Variants in XRCC4 observed in about 807,000 individuals in gnomAD.
XRCC4 encodes X-ray repair cross complementing 4, also known as DNA repair protein XRCC4.
In XRCC4, 28 loss-of-function variants were observed where a neutral mutation model predicts 39.1. The ratio of observed to expected loss-of-function variants is 0.72; its 90% CI spans 0.53 to 0.98. The LOEUF (loss-of-function observed/expected upper bound fraction) is 0.98, where lower values mean the gene tolerates loss of function less well. Among genes scored for constraint, XRCC4 ranks in the 50% least tolerant of loss-of-function variants. XRCC4 has a pLI of 0.00. For missense variants in XRCC4, 350 were observed against 376.4 expected (o/e 0.93, Z 0.58); for synonymous variants, 123 against 126.4 (o/e 0.97, Z 0.18).
intron 7 of XRCC4, among the ~76,000 whole-genome samples, chr5:83,273,810 G>A (rs1754228282): frequency 6.6e-6 from 1 of 151,936 alleles, no homozygotes; most frequent in Non-Finnish European, 1.5e-5. Flanking sequence ...TGCTGTTTTG[G>A]TTACTGTAGC....
intron 3 of XRCC4, among the ~76,000 whole-genome samples, chr5:83,142,308 TC>T (rs1748218129): frequency 2.3e-5 from 1 of 42,724 alleles, no homozygotes; most frequent in African/African-American, 1.7e-4. Context: ...GGAAACTAAC[TC>T]TCAGTGGTGT....
intron 7 of XRCC4, among the ~76,000 whole-genome samples, chr5:83,301,901 G>A (rs576465407): frequency 8.5e-5 from 13 of 152,180 alleles, no homozygotes; most frequent in African/African-American, 3.1e-4. Context: ...GTGGTGTTAT[G>A]TCTGAGCCCT....
In XRCC4 at chr5:83,204,874, C is replaced by A. The variant is rs140579916; in HGVS notation, c.698C>A (p.Thr233Asn). 3.1e-6 allele frequency: 5 copies of A among 1,612,272 alleles called. No individual in the cohort carries two copies. Among genetic ancestry groups the A allele is most frequent in the African/African-American group, 1.3e-5 (1 of 74,830 alleles). The part of the protein sequence containing the change: ...ADRDPVYDES[T>N]DEESENQTDL... ...CGAGATCCAGTCTATGATGAGAGTA[C>A]TGATGAGGAAAGTGAAAACCAAACT... The change falls in exon 6 of 8, where the codon ACT becomes AAT. Residue 233 changes from threonine (T) to asparagine (N), a missense_variant. Transcript: ENST00000396027.
At chr5:83,356,576 G>A, downstream of XRCC4, 1 of 275,482 alleles carries the variant, frequency 3.6e-6, no homozygotes, top group Non-Finnish European at 7.2e-6. Context: ...TATAATCTTG[G>A]GTTCCTATTT....
chr5:83,083,755 T>C (rs1282741265), intron 1 of XRCC4, among the ~76,000 whole-genome samples: 2 of 152,200 alleles, frequency 1.3e-5, no homozygotes, highest in Non-Finnish European at 2.9e-5. Context: ...ATCACTTCCA[T>C]GTATCATGCT....
chr5:83,184,867 G>A (rs184759092), intron 3 of XRCC4, among the ~76,000 whole-genome samples: 3 of 151,998 alleles, frequency 2.0e-5, no homozygotes. Context: ...TTTACCCATA[G>A]ATGTTATTTT....
chr5:83,173,803 T>C (rs1749833496), intron 3 of XRCC4, among the ~76,000 whole-genome samples: 1 of 152,212 alleles, frequency 6.6e-6, no homozygotes, highest in Admixed American at 6.5e-5. Context: ...ACCACTTGAT[T>C]GTTAATTCTA....
At chr5:83,161,387 C>T (rs1651522967) in intron 3 of XRCC4, among the ~76,000 whole-genome samples, 1 of 152,160 alleles carries the variant, frequency 6.6e-6, no homozygotes, top group African/African-American at 2.4e-5. Flanking sequence ...AGGCCTCGGC[C>T]TCCCAAAGTG....
chr5:83,186,548 C>T (rs1015580733), intron 3 of XRCC4, among the ~76,000 whole-genome samples: 1 of 152,140 alleles, frequency 6.6e-6, no homozygotes, highest in African/African-American at 2.4e-5. Context: ...ATGATTCTCT[C>T]TCCCTGTCTC....
chr5:83,222,021 T>G (rs903588681), intron 6 of XRCC4, among the ~76,000 whole-genome samples: 1 of 151,872 alleles, frequency 6.6e-6, no homozygotes, highest in African/African-American at 2.4e-5. Flanking sequence ...GTTTACATGG[T>G]TTATCTTTTA....
intron 1 of XRCC4, among the ~76,000 whole-genome samples, chr5:83,081,365 A>G (rs1013424189): frequency 6.6e-6 from 1 of 152,078 alleles, no homozygotes; most frequent in Non-Finnish European, 1.5e-5. Flanking sequence ...CCCTAACCTC[A>G]GGTAGAGGTT....
At chr5:83,281,516 T>A (rs555463417) in intron 7 of XRCC4, among the ~76,000 whole-genome samples, 3,016 of 152,050 alleles carry the variant, frequency 0.02, 80 homozygotes, top group African/African-American at 0.067. Flanking sequence ...TTTTTTTTTT[T>A]AATTTTGTAC....
chr5:83,183,448 GTGTGT>G (rs1561387142), intron 3 of XRCC4, among the ~76,000 whole-genome samples: 12 of 145,802 alleles, frequency 8.2e-5, no homozygotes, highest in African/African-American at 3.2e-4. Context: ...GTGTGTGTGT[GTGTGT>G]GGCACATCAA....
At chr5:83,164,008 G>A (rs1263436222) in intron 3 of XRCC4, among the ~76,000 whole-genome samples, 1 of 152,138 alleles carries the variant, frequency 6.6e-6, no homozygotes, top group Non-Finnish European at 1.5e-5. Flanking sequence ...GATCTTGTGT[G>A]TAGAATTTTT....
intron 7 of XRCC4, among the ~76,000 whole-genome samples, chr5:83,336,784 C>T (rs1313252701): frequency 6.6e-6 from 1 of 152,120 alleles, no homozygotes; most frequent in Non-Finnish European, 1.5e-5. Flanking sequence ...AGGTTTGAAA[C>T]GCCATTCATT....
At chr5:83,183,285 A>T (rs28360112) in intron 3 of XRCC4, among the ~76,000 whole-genome samples, 4 of 151,974 alleles carry the variant, frequency 2.6e-5, no homozygotes, top group African/African-American at 9.7e-5. Flanking sequence ...ATGTCTACAC[A>T]TTTTTTAATT....
intron 3 of XRCC4, among the ~76,000 whole-genome samples, chr5:83,132,298 G>A (rs150248628): frequency 6.6e-6 from 1 of 151,978 alleles, no homozygotes; most frequent in African/African-American, 2.4e-5. Context: ...ACCTTTCTAT[G>A]TGGCTGCCCT....
intron 7 of XRCC4, among the ~76,000 whole-genome samples, chr5:83,263,985 C>T (rs1048440769): frequency 6.6e-6 from 1 of 151,998 alleles, no homozygotes; most frequent in Non-Finnish European, 1.5e-5. Flanking sequence ...TTAGGTCTAA[C>T]GTTCTTATCA....
chr5:83,120,032 A>T (rs1042890869), intron 3 of XRCC4, among the ~76,000 whole-genome samples: 10 of 150,588 alleles, frequency 6.6e-5, no homozygotes, highest in African/African-American at 2.5e-4. Flanking sequence ...CAGAAACAAA[A>T]ACAAACAAAC....
Sources: gnomAD v4.1 joint callset for allele counts (sites outside exome capture counted in the v4.1 genomes callset) on GRCh38, gnomAD v4.1.1 for gene constraint, MANE v1.5 for transcripts, NCBI Gene and HGNC (gene_info 2026-07-23, HGNC 2026-07-21) for gene names.